Variants in TRAF7 observed in about 807,000 individuals in gnomAD.
The protein encoded by TRAF7 is E3 ubiquitin-protein ligase TRAF7.
TRAF7 carries 45 observed loss-of-function variants against 89.3 expected under a neutral mutation model. The ratio of observed to expected loss-of-function variants is 0.50; its 90% confidence interval spans 0.40 to 0.65. TRAF7 has a LOEUF of 0.65. TRAF7 is among the 30% of genes least tolerant of loss of function. The pLI, the probability that TRAF7 is intolerant of heterozygous loss-of-function variation, is 0.00. For synonymous variants in TRAF7, 406 were observed against 369.2 expected (o/e 1.10, Z -1.14); for missense variants, 677 against 918.1 (o/e 0.74, Z 3.39).
rs2093147776 is a variant in TRAF7, at chr16:2,177,957, A to G, written c.*1383A>G. On this transcript the variant is annotated 3_prime_UTR_variant, in exon 21 of 21. Coordinates refer to ENST00000326181, the MANE Select transcript of TRAF7 (RefSeq NM_032271.3). Reference sequence around the variant, plus strand: ...CCGCAGGCAGACAGCCTGGGCCTCTAACAGCTTTTGTCCGGAGCTAGACTT... The same window carrying G: ...CCGCAGGCAGACAGCCTGGGCCTCTGACAGCTTTTGTCCGGAGCTAGACTT... The G allele has an allele frequency of 2.7e-6, 1 of 365,608 alleles. No homozygotes were observed. The highest frequency in any genetic ancestry group is 5.1e-6 in the Non-Finnish European group (1 of 194,536). The allele number at this position is 365,608 out of a possible 1,614,324, so 22.6% of individuals were successfully genotyped here. A position where few individuals can be genotyped will look rare whatever the true frequency, so the allele number is the denominator to read the frequency against.
chr16:2,171,921 C>T lies in TRAF7; in HGVS notation c.476-270C>T, dbSNP rs561905108. ...CTGGCGAGGCTGTCGTCCTCCCGCA[C>T]GGCGCCCGCTCCTGCCTGCCTCTCC... On this transcript the variant is annotated intron_variant, in intron 7 of 20. Coordinates refer to ENST00000326181, the MANE Select transcript of TRAF7 (RefSeq NM_032271.3). Among the ~76,000 whole-genome samples the T allele has an allele frequency of 3.6e-4, 55 of 152,338 alleles. 1 individual carries two copies. The highest frequency in any genetic ancestry group is 9.1e-4 in the Admixed American group (14 of 15,310).
At position 2,167,572 on chromosome 16, in the gene TRAF7, C is replaced by T. The variant is rs114269466; in HGVS notation, c.140-505C>T. 5.1e-3 allele frequency among the ~76,000 whole-genome samples: 778 copies of T among 152,324 alleles called. 9 individuals carry two copies. Among genetic ancestry groups the T allele is most frequent in the African/African-American group, 0.018 (742 of 41,570 alleles). ...TGTGCCAGGGACACCAGGATGCGGTCCTGGCCCTTCTGTATCCCAGCCCAC... is the reference window on the plus strand; with the variant it reads ...TGTGCCAGGGACACCAGGATGCGGTTCTGGCCCTTCTGTATCCCAGCCCAC... On this transcript the variant is annotated intron_variant, in intron 3 of 20. Coordinates refer to ENST00000326181, the MANE Select transcript of TRAF7 (RefSeq NM_032271.3).
intron 2 of TRAF7, 132 bp downstream of exon 2, chr16:2,164,133 G>A (rs1263891009): frequency 8.4e-6 from 6 of 716,442 alleles, no homozygotes; most frequent in African/African-American, 1.9e-5. Context: ...CGGTGGGGGG[G>A]GGTGTGGTGT....
intron 1 of TRAF7, among the ~76,000 whole-genome samples, chr16:2,160,998 G>A (rs1273845397): frequency 6.6e-6 from 1 of 152,048 alleles, no homozygotes; most frequent in African/African-American, 2.4e-5. Flanking sequence ...CTGAGGGGAG[G>A]CCTCGGGCAT....
rs2093142281 is a variant in TRAF7, at chr16:2,177,398, A to G, written c.*824A>G. The stretch of plus-strand genomic sequence containing the variant: ...CCGCCTCCACCCGCCCCACACCACA[A>G]TCGCTGGTTTTCGGCATTTTTTAAA... On this transcript the variant is annotated 3_prime_UTR_variant, in exon 21 of 21. Transcript: ENST00000326181. The G allele has an allele frequency of 8.6e-6, 2 of 232,664 alleles. No individual in the cohort carries two copies. The highest frequency in any genetic ancestry group is 4.4e-5 in the African/African-American group (2 of 45,220). The allele number at this position is 232,664 out of a possible 1,614,324, so 14.4% of individuals were successfully genotyped here. A position where few individuals can be genotyped will look rare whatever the true frequency, so the allele number is the denominator to read the frequency against.
At chr16:2,171,080 C>CCA (rs1018269615) in intron 5 of TRAF7, among the ~76,000 whole-genome samples, 184 bp from the exon 6 acceptor site, 13 of 152,200 alleles carry the variant, frequency 8.5e-5, no homozygotes, top group African/African-American at 2.7e-4. Flanking sequence ...GCCTCTGGGG[C>CCA]CACAGACCTC....
rs779534022 is a variant in TRAF7 at position 2,173,811 on chromosome 16, G to A, written c.1110G>A (p.Ala370=). The part of the protein sequence containing the change: ...MLNDELSHIN[A]RLNMGILGSY... Reference sequence around the variant, plus strand: ...AGGACGAGCTGTCCCACATCAACGCGCGGCTGAACATGGGCATCCTAGGCT... The same window carrying A: ...AGGACGAGCTGTCCCACATCAACGCACGGCTGAACATGGGCATCCTAGGCT... Residue 370 remains alanine (A), a synonymous_variant, in exon 12 of 21, where the codon GCG becomes GCA. Coordinates refer to ENST00000326181, the MANE Select transcript of TRAF7 (RefSeq NM_032271.3). The A allele has an allele frequency of 1.4e-5, 22 of 1,610,624 alleles. No homozygotes were observed. The highest frequency in any genetic ancestry group is 5.5e-5 in the South Asian group (5 of 91,010).
At chr16:2,164,182 A>ACGCGTGCGCGCG (rs2093071217) in intron 2 of TRAF7, among the ~76,000 whole-genome samples, 181 bp downstream of exon 2, 1 of 101,672 alleles carries the variant, frequency 9.8e-6, no homozygotes, top group Non-Finnish European at 2.0e-5. Flanking sequence ...GCGCGCGCGC[A>ACGCGTGCGCGCG]CGCGTGCGTG....
Position 2,172,456 on chromosome 16 carries a change from C to T in TRAF7, c.660-9C>T, listed in dbSNP as rs1266046730. ...GGCTGAGGCCTCCCCGCATCCCGCC[C>T]TGGCACAGGGACCACGAGGGCAGCT... On this transcript the variant is annotated splice_polypyrimidine_tract_variant and intron_variant, in intron 8 of 20. Transcript: ENST00000326181. 11 of 1,610,608 alleles carry T rather than the reference C, an allele frequency of 6.8e-6. No individual in the cohort carries two copies. Among genetic ancestry groups the T allele is most frequent in the Non-Finnish European group, 9.3e-6 (11 of 1,179,308 alleles).
In TRAF7 at chr16:2,176,844, G is replaced by T; in HGVS notation, c.*270G>T. 3 of 586,006 alleles carry T rather than the reference G, an allele frequency of 5.1e-6. No homozygotes were observed. The highest frequency in any genetic ancestry group is 9.1e-6 in the Non-Finnish European group (3 of 328,650). The allele number at this position is 586,006 out of a possible 1,614,324, so 36.3% of individuals were successfully genotyped here. On this transcript the variant is annotated 3_prime_UTR_variant, in exon 21 of 21. Coordinates refer to ENST00000326181, the MANE Select transcript of TRAF7 (RefSeq NM_032271.3). The stretch of plus-strand genomic sequence containing the variant: ...CCCACCCTCCATCCCCACCCTAGAT[G>T]GAGCGAGGGCCTTTTTACTCACCTT...
Position 2,173,926 on chromosome 16 carries a change from G to A in TRAF7, c.1141G>A (p.Asp381Asn), listed in dbSNP as rs928579907. 7.1e-7 allele frequency: 1 copy of A among 1,405,250 alleles called. No homozygotes were observed. 87.0% of individuals were successfully genotyped at this position (1,405,250 alleles called of 1,614,324 possible). ...CACTGCTCCCATCTCTGCAGCCTACGACCCTCAGCAGATCTTCAAGTGCAA... is the reference window on the plus strand; with the variant it reads ...CACTGCTCCCATCTCTGCAGCCTACAACCCTCAGCAGATCTTCAAGTGCAA... ...RLNMGILGSY[D>N]PQQIFKCKGT... is the part of the protein sequence containing the mutation. The change falls in exon 13 of 21, where the codon GAC (aspartate) becomes AAC (asparagine). Residue 381 changes from aspartate to asparagine, a missense_variant. This residue lies in a region of TRAF7 where 238 missense variants were observed against 352.6 expected (regional missense o/e 0.67). Coordinates refer to ENST00000326181, the MANE Select transcript of TRAF7 (RefSeq NM_032271.3).
rs1255556277 is a variant in TRAF7 at position 2,178,125 on chromosome 16, G to A, written c.*1551G>A. On this transcript the variant is annotated 3_prime_UTR_variant, in exon 21 of 21. Coordinates refer to ENST00000326181, the MANE Select transcript of TRAF7 (RefSeq NM_032271.3). ...TCCCAATAAATTAATACTCTTGATAGCTTATATTCTGGGGGTGCGGTGGGG... is the reference window on the plus strand; with the variant it reads ...TCCCAATAAATTAATACTCTTGATAACTTATATTCTGGGGGTGCGGTGGGG... 5 of 503,918 alleles carry A rather than the reference G, an allele frequency of 9.9e-6. No individual in the cohort carries two copies. The highest frequency in any genetic ancestry group is 1.9e-5 in the Non-Finnish European group (5 of 260,454). 31.2% of individuals were successfully genotyped at this position (503,918 alleles called of 1,614,324 possible).
At position 2,159,425 on chromosome 16, in the gene TRAF7, G is replaced by A. The variant is rs773400075; in HGVS notation, c.-39+3567G>A. Reference sequence around the variant, plus strand: ...CCAGGAGCCTTCGACGTCACACCCTGCCTATTTGGGATGGAAAAAACGTTC... The same window carrying A: ...CCAGGAGCCTTCGACGTCACACCCTACCTATTTGGGATGGAAAAAACGTTC... On this transcript the variant is annotated intron_variant, in intron 1 of 20. Transcript: ENST00000326181. This position sits in a 1 kb window ranked among gnomAD's most constrained non-coding sequence, Gnocchi z 6.5. Among the ~76,000 whole-genome samples, 3 of 152,234 alleles carry A rather than the reference G, an allele frequency of 2.0e-5. No homozygotes were observed. The highest frequency in any genetic ancestry group is 4.8e-5 in the African/African-American group (2 of 41,458).
At chr16:2,173,857 G>GCGGGGGGGGCCCCCCCC in intron 12 of TRAF7, 21 bp downstream of exon 12, 3 of 1,607,464 alleles carry the variant, frequency 1.9e-6, no homozygotes, top group Non-Finnish European at 2.5e-6. Flanking sequence ...ACCCGCCGTG[G>GCGGGGGGGGCCCCCCCC]CTCCCGCCCA....
At chr16:2,156,729 T>TGGG (rs5815111) in intron 1 of TRAF7, among the ~76,000 whole-genome samples, 2 of 136,980 alleles carry the variant, frequency 1.5e-5, no homozygotes, top group Admixed American at 7.4e-5. Context: ...GGGTGCATGG[T>TGGG]GGGGTGGGGC....
rs2093056242 is a variant in TRAF7, at chr16:2,161,028, CG to C, written c.-38-2851del. ...GGGCATCTTGCTCAATTCCGAGGTG[CG>C]GGGATGGATCCTGCCTTAGGGCGGG... is the stretch of plus-strand genomic sequence containing the variant. On this transcript the variant is annotated intron_variant, in intron 1 of 20. Coordinates refer to ENST00000326181, the MANE Select transcript of TRAF7 (RefSeq NM_032271.3). This position sits in a 1 kb window ranked among gnomAD's most constrained non-coding sequence, Gnocchi z 5.2. Among the ~76,000 whole-genome samples the C allele has an allele frequency of 2.0e-5, 3 of 152,154 alleles. 1 individual carries two copies. Among genetic ancestry groups the C allele is most frequent in the South Asian group, 4.2e-4 (2 of 4,818 alleles).
chr16:2,164,157 TGTGCGCGC>T (rs773567353), intron 2 of TRAF7, among the ~76,000 whole-genome samples, 156 bp downstream of exon 2: 49 of 126,508 alleles, frequency 3.9e-4, no homozygotes, highest in South Asian at 1.3e-3. Flanking sequence ...TGTGTGTGTG[TGTGCGCGC>T]GCGCGCGCGC....
chr16:2,174,789 G>A (rs192800745), intron 14 of TRAF7, among the ~76,000 whole-genome samples: 3 of 152,352 alleles, frequency 2.0e-5, no homozygotes, highest in South Asian at 2.1e-4. Context: ...AAGCGTGTGC[G>A]TGAGAGATGC....
intron 6 of TRAF7, 66 bp downstream of exon 6, chr16:2,171,422 G>C (rs2093109937): frequency 1.3e-6 from 2 of 1,533,400 alleles, no homozygotes; most frequent in Non-Finnish European, 1.8e-6. Context: ...AGGGCTCTCG[G>C]GGGCCGGGGC....
Sources: gnomAD v4.1 joint callset for allele counts (sites outside exome capture counted in the v4.1 genomes callset) on GRCh38, gnomAD v4.1.1 for gene constraint, gnomAD v4.1.1 regional missense constraint, Gnocchi (gnomAD v3.1) non-coding constraint, MANE v1.5 for transcripts, NCBI Gene and HGNC (gene_info 2026-07-23, HGNC 2026-07-21) for gene names.